Variants in EYS observed in about 807,000 individuals in gnomAD.
EYS encodes the protein protein eyes shut homolog.
A neutral mutation model predicts 282.1 loss-of-function variants in EYS; 250 were observed. The observed-to-expected ratio is 0.89, with a 90% confidence interval of 0.80 to 0.98. The LOEUF (loss-of-function observed/expected upper bound fraction) is 0.98. Among genes scored for constraint, EYS ranks in the 50% least tolerant of loss-of-function variants. The probability of loss-of-function intolerance (pLI) is 0.00; values close to 1 mark genes in which losing one functional copy is unlikely to be tolerated. For missense variants in EYS, 4,016 were observed against 3,709.0 expected, an observed-to-expected ratio of 1.08 and a Z score of -2.15; for synonymous variants, 1,355 against 1,282.9, an observed-to-expected ratio of 1.06 and a Z score of -1.20.
At chr6:63,957,301 G>T (rs1765869537) in intron 35 of EYS, among the ~76,000 whole-genome samples, 1 of 140,638 alleles carries the variant, frequency 7.1e-6, no homozygotes, top group Admixed American at 7.6e-5. Flanking sequence ...ACTTGTTTAT[G>T]TGCAAGAGCT....
intron 1 of EYS, among the ~76,000 whole-genome samples, chr6:65,689,418 A>C (rs1385643273): frequency 6.7e-6 from 1 of 149,848 alleles, no homozygotes; most frequent in Non-Finnish European, 1.5e-5. Flanking sequence ...AGATATACCT[A>C]ATGTTAAATG....
chr6:64,951,547 A>G (rs1296819588), intron 14 of EYS, among the ~76,000 whole-genome samples: 2 of 152,010 alleles, frequency 1.3e-5, no homozygotes. Context: ...GAAATATACT[A>G]TTGAGATACT....
chr6:64,734,970 T>C (rs559334328), intron 22 of EYS, among the ~76,000 whole-genome samples: 2 of 152,288 alleles, frequency 1.3e-5, no homozygotes, highest in South Asian at 4.1e-4. Flanking sequence ...AGAGGTATGC[T>C]TATATAAACC....
At chr6:65,318,221 T>C (rs542288215) in intron 11 of EYS, among the ~76,000 whole-genome samples, 1 of 151,774 alleles carries the variant, frequency 6.6e-6, no homozygotes, top group African/African-American at 2.4e-5. Context: ...CTGTTCACAA[T>C]ATAGCAACTT....
chr6:64,094,390 T>C (rs956395796), intron 31 of EYS, among the ~76,000 whole-genome samples: 3 of 152,184 alleles, frequency 2.0e-5, no homozygotes, highest in African/African-American at 7.2e-5. Flanking sequence ...GGTCCTGGAC[T>C]TTCTTTGGTT....
intron 13 of EYS, among the ~76,000 whole-genome samples, chr6:65,005,760 G>A (rs72875997): frequency 0.11 from 13,825 of 122,050 alleles, 1,901 homozygotes; most frequent in East Asian, 0.24. Context: ...GCTGAGGACC[G>A]ACTAGAGGTA....
rs1772996807 is a variant in EYS at position 64,757,744 on chromosome 6, T to TGTGTGTGTGTG, written c.3443+55633_3443+55634insCACACACACAC. On this transcript the variant is annotated intron_variant, in intron 22 of 42. Coordinates refer to ENST00000503581, the MANE Select transcript of EYS (RefSeq NM_001142800.2). ...AGATTAATTTTTTTTCTTTTTTTCT[T>TGTGTGTGTGTG]TGTGTGTGTGTGTGTGTGTGTGTGT... is the stretch of plus-strand genomic sequence containing the variant. 7.1e-4 allele frequency among the ~76,000 whole-genome samples: 99 copies of TGTGTGTGTGTG among 139,906 alleles called. 1 individual carries two copies. The highest frequency in any genetic ancestry group is 1.3e-3 in the Non-Finnish European group (81 of 64,034). 91.8% of individuals were successfully genotyped at this position (139,906 alleles called of 152,430 possible). A position where few individuals can be genotyped will look rare whatever the true frequency, so the allele number is the denominator to read the frequency against.
intron 22 of EYS, among the ~76,000 whole-genome samples, chr6:64,676,175 A>T (rs1399178224): frequency 6.8e-6 from 1 of 147,872 alleles, no homozygotes; most frequent in African/African-American, 2.5e-5. Flanking sequence ...TAACTAAGGG[A>T]TTAAGTAGTT....
At chr6:65,071,729 C>T (rs968949898) in intron 12 of EYS, among the ~76,000 whole-genome samples, 3 of 151,760 alleles carry the variant, frequency 2.0e-5, no homozygotes. Context: ...GTGAAGTATT[C>T]CCTAGAAAGC....
chr6:65,667,739 C>T (rs1768249268), intron 1 of EYS, among the ~76,000 whole-genome samples: 1 of 151,826 alleles, frequency 6.6e-6, no homozygotes, highest in Non-Finnish European at 1.5e-5. Flanking sequence ...GCATTTTCCA[C>T]TGGTACATTT....
chr6:65,289,122 T>C (rs1768451398), intron 12 of EYS, among the ~76,000 whole-genome samples: 1 of 151,032 alleles, frequency 6.6e-6, no homozygotes, highest in Non-Finnish European at 1.5e-5. Flanking sequence ...AAATAAAAGA[T>C]AAAGGCAAAA....
intron 14 of EYS, among the ~76,000 whole-genome samples, chr6:64,996,493 T>C (rs1182182104): frequency 6.6e-6 from 1 of 152,128 alleles, no homozygotes; most frequent in African/African-American, 2.4e-5. Flanking sequence ...GAGACCAGCA[T>C]AGTGTCACAT....
At chr6:64,014,526 C>A (rs986398470) in intron 33 of EYS, among the ~76,000 whole-genome samples, 1 of 151,952 alleles carries the variant, frequency 6.6e-6, no homozygotes, top group Non-Finnish European at 1.5e-5. Flanking sequence ...CCAGTGAAGT[C>A]AGTAATAATC....
chr6:64,969,904 T>C (rs1770229592), intron 14 of EYS, among the ~76,000 whole-genome samples: 1 of 152,162 alleles, frequency 6.6e-6, no homozygotes, highest in Non-Finnish European at 1.5e-5. Context: ...ACCTAAACTT[T>C]CCAATCTCAT....
chr6:65,117,441 G>T (rs1350081940), intron 12 of EYS, among the ~76,000 whole-genome samples: 1 of 152,128 alleles, frequency 6.6e-6, no homozygotes. Flanking sequence ...AATGCTAAGT[G>T]TTGTGCCTTT....
chr6:64,317,536 C>T (rs923652998), intron 29 of EYS, among the ~76,000 whole-genome samples: 1 of 152,000 alleles, frequency 6.6e-6, no homozygotes, highest in Non-Finnish European at 1.5e-5. Flanking sequence ...ACAACAGATG[C>T]TGGAGAGGAT....
At chr6:64,388,155 C>T (rs1253289702) in intron 29 of EYS, among the ~76,000 whole-genome samples, 1 of 152,034 alleles carries the variant, frequency 6.6e-6, no homozygotes, top group Non-Finnish European at 1.5e-5. Context: ...AGCTTTCAAG[C>T]TATTTTCCTT....
Position 64,439,199 on chromosome 6 carries a change from A to C in EYS, c.5798T>G (p.Phe1933Cys), listed in dbSNP as rs1774852894. The C allele has an allele frequency of 6.8e-7, 1 of 1,478,836 alleles. No homozygotes were observed. Among genetic ancestry groups the C allele is most frequent in the Non-Finnish European group, 9.0e-7 (1 of 1,116,054 alleles). The allele number at this position is 1,478,836 out of a possible 1,614,324, so 91.6% of individuals were successfully genotyped here. A position where few individuals can be genotyped will look rare whatever the true frequency, so the allele number is the denominator to read the frequency against. Residue 1933 changes from phenylalanine (F) to cysteine (C), a missense_variant, in exon 27 of 43, where the codon TTT (phenylalanine) becomes TGT (cysteine). Coordinates refer to ENST00000503581, the MANE Select transcript of EYS (RefSeq NM_001142800.2). Reference sequence around the variant, plus strand: ...ATTTTCAATAAACAATTGAATAAAAAATCCATCTACTAAATTTGAGTCTTG... The same window carrying C: ...ATTTTCAATAAACAATTGAATAAAACATCCATCTACTAAATTTGAGTCTTG... ...VKQDSNLVDG[F>C]FIQLFIENGT...
At chr6:64,294,754 C>T (rs572886913) in intron 30 of EYS, among the ~76,000 whole-genome samples, 2 of 152,130 alleles carry the variant, frequency 1.3e-5, no homozygotes, top group African/African-American at 4.8e-5. Context: ...ATAGTGGCAC[C>T]ACCTGTACTA....
Sources: allele counts gnomAD v4.1 joint callset (sites outside exome capture counted in the v4.1 genomes callset), GRCh38; gene constraint gnomAD v4.1.1; transcripts MANE v1.5; gene names NCBI Gene and HGNC (gene_info 2026-07-23, HGNC 2026-07-21).